Variants in SLC12A8 observed in about 807,000 individuals in gnomAD.
SLC12A8 encodes the protein solute carrier family 12 member 8, also known as cation-chloride cotransporter 9.
Under a neutral mutation model 75.6 loss-of-function variants are expected in SLC12A8, and 69 were observed. The observed-to-expected ratio is 0.91, with a 90% CI of 0.75 to 1.11. The LOEUF is 1.11. SLC12A8 is among the 50% of genes most tolerant of loss of function. The pLI is 0.00. For missense variants in SLC12A8, 877 were observed against 896.7 expected, an observed-to-expected ratio of 0.98 and a Z score of 0.28; for synonymous variants, 365 against 372.8, an observed-to-expected ratio of 0.98 and a Z score of 0.24.
chr3:125,182,563 GC>G (rs768116494), intron 4 of SLC12A8, among the ~76,000 whole-genome samples: 7 of 150,560 alleles, frequency 4.6e-5, no homozygotes, highest in Non-Finnish European at 5.9e-5. Flanking sequence ...CTATAGTGCA[GC>G]GGCGTGATCT....
chr3:125,116,300 T>C (rs1939310367), intron 8 of SLC12A8, among the ~76,000 whole-genome samples: 1 of 152,242 alleles, frequency 6.6e-6, no homozygotes, highest in African/African-American at 2.4e-5. Context: ...TGTTCCTTTA[T>C]AGGCTTTACA....
At chr3:125,113,189 C>T (rs1939228445) in intron 8 of SLC12A8, among the ~76,000 whole-genome samples, 3 of 152,174 alleles carry the variant, frequency 2.0e-5, no homozygotes. Context: ...TGGCTTCCAT[C>T]TTTGGCCAGC....
At chr3:125,098,732 C>A (rs1225718549) in intron 10 of SLC12A8, among the ~76,000 whole-genome samples, 1 of 152,182 alleles carries the variant, frequency 6.6e-6, no homozygotes, top group Non-Finnish European at 1.5e-5. Context: ...AAGCCTGTAG[C>A]CTTCTTGCCT....
At chr3:125,144,083 C>T (rs945051792) in intron 5 of SLC12A8, among the ~76,000 whole-genome samples, 30 of 152,264 alleles carry the variant, frequency 2.0e-4, no homozygotes, top group African/African-American at 6.7e-4. Context: ...CCTAGAGAGG[C>T]CTACAGCGGA....
intron 5 of SLC12A8, among the ~76,000 whole-genome samples, chr3:125,174,679 A>G (rs1004190710): frequency 1.3e-5 from 2 of 152,232 alleles, no homozygotes; most frequent in African/African-American, 4.8e-5. Flanking sequence ...AAAGACATGG[A>G]GGAATCTTAA....
intron 6 of SLC12A8, among the ~76,000 whole-genome samples, chr3:125,126,707 T>C (rs1257326494): frequency 6.6e-6 from 1 of 152,254 alleles, no homozygotes. Context: ...TCAAGGAACT[T>C]CCAAGATTCC....
intron 5 of SLC12A8, among the ~76,000 whole-genome samples, chr3:125,146,466 A>AAAACC (rs1933776849): frequency 6.6e-6 from 1 of 152,194 alleles, no homozygotes; most frequent in Non-Finnish European, 1.5e-5. Context: ...AAAACAAAAC[A>AAAACC]AAACAAACAA....
chr3:125,178,015 A>C (rs1934577429), intron 4 of SLC12A8, 41 bp from the exon 5 acceptor site: 1 of 1,560,558 alleles, frequency 6.4e-7, no homozygotes, highest in Admixed American at 1.8e-5. Flanking sequence ...CAGGACAGAA[A>C]GCCATGGGCC....
chr3:125,211,159 C>A, intron 2 of SLC12A8, 140 bp downstream of exon 2: 1 of 739,464 alleles, frequency 1.4e-6, no homozygotes, highest in South Asian at 1.5e-5. Flanking sequence ...AATATTTTCT[C>A]ATTGAACTGG....
In SLC12A8 at chr3:125,146,613, G is replaced by A. The variant is rs1392364151; in HGVS notation, c.623-10831C>T. On this transcript the variant is annotated intron_variant, in intron 5 of 13. Transcript: ENST00000469902. ...ACAGATGTGGGAATAGAGGACAAAG[G>A]GGGCTTCCTGGCCAAGGATGGTGGA... 2.6e-5 allele frequency among the ~76,000 whole-genome samples: 4 copies of A among 152,142 alleles called. No individual in the cohort carries two copies. The East Asian group carries it at 7.7e-4, about 29-fold the overall frequency.
chr3:125,115,214 A>G (rs2993636), intron 8 of SLC12A8, among the ~76,000 whole-genome samples: 60,106 of 152,034 alleles, frequency 0.4, 12,080 homozygotes, highest in Admixed American at 0.46. Context: ...GTTCCTCTGC[A>G]GTGGGGATAA....
chr3:125,102,823 T>C (rs1938915743), intron 10 of SLC12A8, among the ~76,000 whole-genome samples: 1 of 152,068 alleles, frequency 6.6e-6, no homozygotes, highest in African/African-American at 2.4e-5. Flanking sequence ...TCCTGGAAGA[T>C]GGAAAGGTGA....
chr3:125,154,882 T>C (rs1560069803), intron 5 of SLC12A8: 1 of 152,262 alleles, frequency 6.6e-6, no homozygotes, highest in Non-Finnish European at 1.5e-5. Flanking sequence ...GTGAGGCGGA[T>C]GATGCAGGCA....
At chr3:125,182,026 A>C (rs1934675468) in intron 4 of SLC12A8, among the ~76,000 whole-genome samples, 1 of 152,190 alleles carries the variant, frequency 6.6e-6, no homozygotes, top group Admixed American at 6.5e-5. Flanking sequence ...GTCTCTACAA[A>C]AAAATACAAG....
chr3:125,165,293 G>A (rs1362718742), intron 5 of SLC12A8, among the ~76,000 whole-genome samples: 2 of 152,226 alleles, frequency 1.3e-5, no homozygotes, highest in Non-Finnish European at 2.9e-5. Context: ...GAAGGGTTGA[G>A]CCCGCTGTCC....
At chr3:125,126,922 T>C (rs944249777) in intron 6 of SLC12A8, among the ~76,000 whole-genome samples, 1 of 152,170 alleles carries the variant, frequency 6.6e-6, no homozygotes, top group African/African-American at 2.4e-5. Context: ...AGGGATCTAT[T>C]ACTGTTTGGT....
At position 125,088,385 on chromosome 3, in the gene SLC12A8, T is replaced by C; in HGVS notation, c.1922-15A>G. On this transcript the variant is annotated splice_polypyrimidine_tract_variant and intron_variant, in intron 12 of 13. Transcript: ENST00000469902. ...GGAGGCTGATCCTGCAGGGAAGACA[T>C]ATACATAACCATTTTTGAAGGTTCT... 2 of 1,613,954 alleles carry C rather than the reference T, an allele frequency of 1.2e-6. No individual in the cohort carries two copies. The highest frequency in any genetic ancestry group is 1.7e-6 in the Non-Finnish European group (2 of 1,179,854).
chr3:125,126,245 T>C (rs2107754760), intron 6 of SLC12A8, among the ~76,000 whole-genome samples: 1 of 152,328 alleles, frequency 6.6e-6, no homozygotes, highest in South Asian at 2.1e-4. Flanking sequence ...CTTAGGTTTA[T>C]GAGGCTACAC....
intron 6 of SLC12A8, among the ~76,000 whole-genome samples, chr3:125,129,791 C>G (rs1933307234): frequency 6.6e-6 from 1 of 152,166 alleles, no homozygotes; most frequent in African/African-American, 2.4e-5. Flanking sequence ...ATAGCTTAAC[C>G]GAACATCTGC....
Sources: gnomAD v4.1 joint callset for allele counts (sites outside exome capture counted in the v4.1 genomes callset) on GRCh38, gnomAD v4.1.1 for gene constraint, MANE v1.5 for transcripts, NCBI Gene and HGNC (gene_info 2026-07-23, HGNC 2026-07-21) for gene names.